Variants in EPHA6 observed in about 807,000 individuals in gnomAD.
EPHA6 encodes the protein EPH receptor A6, also known as ephrin type-A receptor 6.
In EPHA6, 50 loss-of-function variants were observed where a neutral mutation model predicts 112.0. The observed-to-expected ratio is 0.45, with a 90% confidence interval of 0.36 to 0.56. EPHA6 has a LOEUF of 0.56. Ranked by LOEUF, EPHA6 falls within the 20% of genes least tolerant of loss-of-function variation. EPHA6 has a pLI of 0.00. For missense variants in EPHA6, 1,280 were observed against 1,417.4 expected (o/e 0.90, Z 1.56); for synonymous variants, 529 against 490.7 (o/e 1.08, Z -1.03).
chr3:97,291,421 T>G (rs955316478), intron 5 of EPHA6, among the ~76,000 whole-genome samples: 3 of 152,188 alleles, frequency 2.0e-5, no homozygotes, highest in Non-Finnish European at 4.4e-5. Context: ...TCTGTCAATA[T>G]GATCTGCCTA....
intron 2 of EPHA6, among the ~76,000 whole-genome samples, chr3:96,986,984 G>T (rs139414217): frequency 1.3e-5 from 2 of 152,252 alleles, no homozygotes; most frequent in Non-Finnish European, 2.9e-5. Flanking sequence ...AGTATGCCAG[G>T]AACTATCTGA....
At chr3:97,088,589 C>T (rs979138082) in intron 3 of EPHA6, among the ~76,000 whole-genome samples, 1 of 152,136 alleles carries the variant, frequency 6.6e-6, no homozygotes, top group African/African-American at 2.4e-5. Context: ...CACAGATTTC[C>T]TGAGACATAC....
intron 14 of EPHA6, among the ~76,000 whole-genome samples, chr3:97,692,603 AT>A: frequency 6.6e-6 from 1 of 152,108 alleles, no homozygotes; most frequent in East Asian, 1.9e-4. Flanking sequence ...AATTTATGTG[AT>A]TTACAGTGCC....
chr3:97,113,700 T>C (rs1334581394), intron 3 of EPHA6, among the ~76,000 whole-genome samples: 1 of 152,160 alleles, frequency 6.6e-6, no homozygotes, highest in Admixed American at 6.6e-5. Flanking sequence ...TAACATTTTT[T>C]ACTTCTCTCT....
chr3:97,646,040 G>A (rs955134448), intron 14 of EPHA6: 19 of 1,090,892 alleles, frequency 1.7e-5, no homozygotes, highest in Admixed American at 2.8e-5. Context: ...AGAACAGTAT[G>A]CTACATGGAA....
intron 5 of EPHA6, among the ~76,000 whole-genome samples, chr3:97,270,700 A>T (rs1292531665): frequency 6.6e-6 from 1 of 152,214 alleles, no homozygotes; most frequent in Non-Finnish European, 1.5e-5. Context: ...TCAGTTTCTT[A>T]ACTATTTATA....
At chr3:96,882,526 C>A (rs978474451) in intron 2 of EPHA6, among the ~76,000 whole-genome samples, 1 of 152,104 alleles carries the variant, frequency 6.6e-6, no homozygotes, top group Non-Finnish European at 1.5e-5. Context: ...CACCATTCCC[C>A]CCAAGTCCCC....
intron 12 of EPHA6, 129 bp downstream of exon 12, chr3:97,592,866 T>A: frequency 1.8e-6 from 2 of 1,098,166 alleles, no homozygotes; most frequent in Non-Finnish European, 2.4e-6. Context: ...AGTGACTGCT[T>A]AAATTCAGAA....
chr3:97,532,310 TG>T, intron 10 of EPHA6, 47 bp from the exon 11 acceptor site: 3 of 1,518,844 alleles, frequency 2.0e-6, no homozygotes, highest in Non-Finnish European at 2.7e-6. Context: ...TCTTCTGAAA[TG>T]TAAGTGTTCG....
chr3:97,351,178 A>G (rs138655534), intron 5 of EPHA6, among the ~76,000 whole-genome samples: 201 of 152,318 alleles, frequency 1.3e-3, no homozygotes, highest in African/African-American at 4.4e-3. Context: ...CGATTGAAAG[A>G]TATTAGTTGA....
In EPHA6 at chr3:96,814,832, A is replaced by T; in HGVS notation, c.209A>T (p.His70Leu). ...EEEEDVDKDP[H>L]PTQNTCLRCR... ...GAAGAAGACGTGGACAAGGACCCCC[A>T]TCCTACCCAGAACACCTGCCTGCGC... The change falls in exon 1 of 18, where the codon CAT (histidine) becomes CTT (leucine). Residue 70 changes from histidine (H) to leucine (L), a missense_variant. Around this residue, in one of 4 missense-constraint regions of EPHA6, gnomAD observed 220 missense variants for 171.5 expected, o/e 1.28. Coordinates refer to ENST00000389672, the MANE Select transcript of EPHA6 (RefSeq NM_001080448.3). The T allele has an allele frequency of 6.3e-7, 1 of 1,583,726 alleles. No homozygotes were observed. Among genetic ancestry groups the T allele is most frequent in the East Asian group, 2.3e-5 (1 of 43,030 alleles).
chr3:97,336,925 T>G (rs540724946), intron 5 of EPHA6, among the ~76,000 whole-genome samples: 1 of 151,622 alleles, frequency 6.6e-6, no homozygotes, highest in South Asian at 2.1e-4. Flanking sequence ...CCAGATTATC[T>G]GGGATGCCGC....
At chr3:97,621,331 T>C (rs1204123142) in intron 13 of EPHA6, among the ~76,000 whole-genome samples, 1 of 151,850 alleles carries the variant, frequency 6.6e-6, no homozygotes, top group Non-Finnish European at 1.5e-5. Flanking sequence ...ACTTAATACC[T>C]GAAGGGTGAA....
intron 15 of EPHA6, among the ~76,000 whole-genome samples, chr3:97,723,468 C>A (rs2034621004): frequency 6.6e-6 from 1 of 152,102 alleles, no homozygotes; most frequent in Non-Finnish European, 1.5e-5. Flanking sequence ...CTATCTGGAA[C>A]CTGGAGAAGA....
chr3:97,490,304 T>A (rs6795170), intron 10 of EPHA6, among the ~76,000 whole-genome samples: 10,358 of 152,166 alleles, frequency 0.068, 1,101 homozygotes, highest in African/African-American at 0.23. Flanking sequence ...AATTGTTACA[T>A]TGCTTTATAT....
At chr3:96,947,664 T>C (rs2041338090) in intron 2 of EPHA6, among the ~76,000 whole-genome samples, 1 of 152,042 alleles carries the variant, frequency 6.6e-6, no homozygotes, top group South Asian at 2.1e-4. Context: ...TCAAAGAGAA[T>C]AAAATACCTG....
intron 15 of EPHA6, among the ~76,000 whole-genome samples, chr3:97,725,380 T>C (rs1055200646): frequency 6.6e-6 from 1 of 152,130 alleles, no homozygotes; most frequent in African/African-American, 2.4e-5. Flanking sequence ...TATATGCCAG[T>C]CTGTGCACTT....
At chr3:96,919,609 T>C (rs1191335650) in intron 2 of EPHA6, among the ~76,000 whole-genome samples, 1 of 151,858 alleles carries the variant, frequency 6.6e-6, no homozygotes, top group Non-Finnish European at 1.5e-5. Flanking sequence ...GGGGTTATAA[T>C]TGACTGTAAT....
intron 5 of EPHA6, among the ~76,000 whole-genome samples, chr3:97,274,950 T>A (rs1470976572): frequency 6.6e-6 from 1 of 152,096 alleles, no homozygotes; most frequent in African/African-American, 2.4e-5. Flanking sequence ...ACTATATGCG[T>A]CAGGTATGAG....
Sources: gnomAD v4.1 joint callset for allele counts (sites outside exome capture counted in the v4.1 genomes callset) on GRCh38, gnomAD v4.1.1 for gene constraint, gnomAD v4.1.1 regional missense constraint, MANE v1.5 for transcripts, NCBI Gene and HGNC (gene_info 2026-07-23, HGNC 2026-07-21) for gene names.